The following KIF22 variants were observed in gnomAD, a reference collection of about 807,000 sequenced individuals.
KIF22 encodes kinesin-like protein KIF22.
KIF22 carries 62 observed loss-of-function variants against 73.0 expected under a neutral mutation model. The ratio of observed to expected loss-of-function variants is 0.85; its 90% confidence interval spans 0.69 to 1.05. The LOEUF (loss-of-function observed/expected upper bound fraction) is 1.05. KIF22 is among the 50% of genes least tolerant of loss of function. The pLI is 0.00. For missense variants in KIF22, 854 were observed against 870.1 expected, an observed-to-expected ratio of 0.98 and a Z score of 0.23; for synonymous variants, 411 against 340.1, an observed-to-expected ratio of 1.21 and a Z score of -2.29.
rs959188419 is a variant in KIF22 at position 29,797,603 on chromosome 16, A to G, written c.266+515A>G. ...CAGGAGTAAGATTTTCAGTAAATAA[A>G]ATTTTATCGTTTATTTACATATTGT... On this transcript the variant is annotated intron_variant, in intron 2 of 13. Transcript: ENST00000160827. This position sits in a 1 kb window ranked among gnomAD's most constrained non-coding sequence, Gnocchi z 4.1. Among the ~76,000 whole-genome samples the G allele has an allele frequency of 6.6e-6, 1 of 152,170 alleles. No homozygotes were observed. The highest frequency in any genetic ancestry group is 1.5e-5 in the Non-Finnish European group (1 of 68,016).
rs945804580 is a variant in KIF22, at chr16:29,799,947, G to T, written c.1179G>T (p.Leu393Phe). 1 of 1,614,154 alleles carries T rather than the reference G, an allele frequency of 6.2e-7. No homozygotes were observed. Among genetic ancestry groups the T allele is most frequent in the Non-Finnish European group, 8.5e-7 (1 of 1,180,032 alleles). ...CTGTTAAGCTGTCTCAGAAAGAATT[G>T]CTTGGTCCACCAGAGGCAAAGAGAG... ...LGPVKLSQKE[L>F]LGPPEAKRAR... The change falls in exon 8 of 14, where the codon TTG (leucine) becomes TTT (phenylalanine). Residue 393 changes from leucine to phenylalanine, a missense_variant. This residue lies in a region of KIF22 where 423 missense variants were observed against 365.4 expected (regional missense o/e 1.16). Transcript: ENST00000160827.
chr16:29,802,746 G>A (rs2142378120), intron 8 of KIF22, 23 bp from the exon 9 acceptor site: 1 of 1,533,454 alleles, frequency 6.5e-7, no homozygotes, highest in South Asian at 1.3e-5. Context: ...GGTAGGTGGG[G>A]AGCAACTTCT....
At chr16:29,803,083 C>T (rs958495823) in intron 9 of KIF22, 146 bp downstream of exon 9, 5 of 814,874 alleles carry the variant, frequency 6.1e-6, no homozygotes, top group African/African-American at 1.7e-5. Flanking sequence ...GCTTGAATGT[C>T]CTTAACATGG....
At chr16:29,804,283 G>C in intron 11 of KIF22, 1 of 612,986 alleles carries the variant, frequency 1.6e-6, no homozygotes. Context: ...CTCGCAGAGC[G>C]GATGTTCCAC....
intron 8 of KIF22, among the ~76,000 whole-genome samples, chr16:29,800,615 A>C (rs1899104143): frequency 6.6e-6 from 1 of 152,068 alleles, no homozygotes. Context: ...AAATACAAAA[A>C]TTAGCCAGGC....
At chr16:29,801,766 C>T (rs1308218909) in intron 8 of KIF22, among the ~76,000 whole-genome samples, 5 of 152,148 alleles carry the variant, frequency 3.3e-5, no homozygotes, top group Non-Finnish European at 7.3e-5. Context: ...TGTTTGCCCA[C>T]GTATGTTCTG....
At chr16:29,803,340 C>T in intron 9 of KIF22, 109 bp from the exon 10 acceptor site, 1 of 1,349,714 alleles carries the variant, frequency 7.4e-7, no homozygotes, top group Non-Finnish European at 1.0e-6. Context: ...CTGGTCCTAG[C>T]CCTGCCCTCT....
intron 8 of KIF22, among the ~76,000 whole-genome samples, chr16:29,802,472 G>A (rs1411939725): frequency 6.6e-6 from 1 of 152,002 alleles, no homozygotes; most frequent in African/African-American, 2.4e-5. Flanking sequence ...GCACTGTCCT[G>A]GCTGTCACCT....
At position 29,798,997 on chromosome 16, in the gene KIF22, C is replaced by G; in HGVS notation, c.572C>G (p.Ala191Gly). The G allele has an allele frequency of 6.2e-7, 1 of 1,614,218 alleles. No homozygotes were observed. Among genetic ancestry groups the G allele is most frequent in the South Asian group, 1.1e-5 (1 of 91,090 alleles). Residue 191 changes from alanine (A) to glycine (G), a missense_variant, in exon 5 of 14, where the codon GCT (alanine) becomes GGT (glycine). Physicochemically the swap from Ala to Gly is moderately conservative, Grantham distance 60. Transcript: ENST00000160827. The surrounding 1 kb of genome is among the most constrained non-coding windows in gnomAD (Gnocchi z 4.1). ...QEKVLDLLDP[A>G]SGDLVIREDC... ...CAGGTATTAGACCTCCTGGACCCTG[C>G]TTCGGGAGACCTGGTAATCCGAGAA... is the stretch of plus-strand genomic sequence containing the variant.
rs369123318 is a variant in KIF22 at position 29,798,938 on chromosome 16, T to C, written c.550-37T>C. ...GATCCCCAGGAAGAAACAGCCTCTC[T>C]ATGGAGAATTGCCCTTCCCCTTCAC... On this transcript the variant is annotated intron_variant, in intron 4 of 13. Coordinates refer to ENST00000160827, the MANE Select transcript of KIF22 (RefSeq NM_007317.3). This position sits in a 1 kb window ranked among gnomAD's most constrained non-coding sequence, Gnocchi z 4.1. 6.9e-6 allele frequency: 11 copies of C among 1,598,162 alleles called. No homozygotes were observed. The African/African-American group carries it at 1.2e-4, about 18-fold the overall frequency.
At chr16:29,791,196 C>G in intron 1 of KIF22, 1 of 1,100,448 alleles carries the variant, frequency 9.1e-7, no homozygotes, top group Non-Finnish European at 1.1e-6. Context: ...GCTCTAGCCA[C>G]GAGGACGAGA....
intron 1 of KIF22, among the ~76,000 whole-genome samples, chr16:29,793,468 C>T (rs1194495519): frequency 6.6e-6 from 1 of 152,118 alleles, no homozygotes; most frequent in Non-Finnish European, 1.5e-5. Context: ...CCGTTCAGAA[C>T]GTGGGCTGCA....
At position 29,798,639 on chromosome 16, in the gene KIF22, C is replaced by T; in HGVS notation, c.441C>T (p.Ile147=). Residue 147 remains isoleucine (I), a synonymous_variant, in exon 4 of 14, where the codon ATC becomes ATT. Coordinates refer to ENST00000160827, the MANE Select transcript of KIF22 (RefSeq NM_007317.3). The surrounding 1 kb of genome is among the most constrained non-coding windows in gnomAD (Gnocchi z 4.1). ...GCAGCCCAGAGCAACCTGGGGTGAT[C>T]CCGCGGGCTCTCATGGACCTCCTGC... ...MLGSPEQPGV[I]PRALMDLLQL... 6.2e-7 allele frequency: 1 copy of T among 1,614,142 alleles called. No individual in the cohort carries two copies. The highest frequency in any genetic ancestry group is 1.1e-5 in the South Asian group (1 of 91,082).
In KIF22 at chr16:29,799,590, G is replaced by A; in HGVS notation, c.991-38G>A. On this transcript the variant is annotated intron_variant, in intron 6 of 13. Transcript: ENST00000160827. ...ATAGCAGTTGAGGCATAGGAAGGCTGGGCTTCTGACCCACCCACTGCCTGG... is the reference window on the plus strand; with the variant it reads ...ATAGCAGTTGAGGCATAGGAAGGCTAGGCTTCTGACCCACCCACTGCCTGG... 1.9e-6 allele frequency: 3 copies of A among 1,613,188 alleles called. No individual in the cohort carries two copies. In the South Asian group the frequency reaches 3.3e-5, roughly 18 times the overall value.
rs372310662 is a variant in KIF22, at chr16:29,804,044, G to T, written c.1656G>T (p.Lys552Asn). The part of the protein sequence containing the change: ...ASPNAEIHIL[K>N]NKGRKRKLES... ...CAAATGCCGAGATCCACATCCTGAA[G>T]AATAAAGGCCGGAAGAGAAAGGTGA... The change falls in exon 11 of 14, where the codon AAG (lysine) becomes AAT (asparagine). Residue 552 changes from lysine to asparagine, a missense_variant. This residue lies in a region of KIF22 where 423 missense variants were observed against 365.4 expected (regional missense o/e 1.16). Coordinates refer to ENST00000160827, the MANE Select transcript of KIF22 (RefSeq NM_007317.3). 1.9e-6 allele frequency: 3 copies of T among 1,613,898 alleles called. No individual in the cohort carries two copies. In the African/African-American group the frequency reaches 4.0e-5, roughly 22 times the overall value.
intron 9 of KIF22, 93 bp from the exon 10 acceptor site, chr16:29,803,356 C>T (rs1899209395): frequency 1.3e-6 from 2 of 1,486,624 alleles, no homozygotes; most frequent in African/African-American, 2.8e-5. Context: ...CCTCTGGGGG[C>T]TCAGAGCCTT....
intron 9 of KIF22, 44 bp from the exon 10 acceptor site, chr16:29,803,405 C>G (rs1899211536): frequency 6.2e-7 from 1 of 1,608,010 alleles, no homozygotes; most frequent in East Asian, 2.2e-5. Context: ...TCAGGCTGCC[C>G]TGGAGTTGGG....
chr16:29,802,987 C>G, intron 9 of KIF22, 50 bp downstream of exon 9: 1 of 1,567,802 alleles, frequency 6.4e-7, no homozygotes, highest in Non-Finnish European at 8.8e-7. Context: ...CCTTGAGAAG[C>G]AATCCTTGGA....
chr16:29,803,633 G>A, intron 10 of KIF22, 25 bp downstream of exon 10: 5 of 1,579,044 alleles, frequency 3.2e-6, no homozygotes, highest in South Asian at 1.1e-5. Flanking sequence ...AGGGGCTGGG[G>A]GGCCAAGGCA....
Sources: gnomAD v4.1 joint callset for allele counts (sites outside exome capture counted in the v4.1 genomes callset) on GRCh38, gnomAD v4.1.1 for gene constraint, gnomAD v4.1.1 regional missense constraint, Gnocchi (gnomAD v3.1) non-coding constraint, MANE v1.5 for transcripts, NCBI Gene and HGNC (gene_info 2026-07-23, HGNC 2026-07-21) for gene names.